MYO5B: variants seen among roughly 807,000 people sequenced by gnomAD.
MYO5B encodes the protein myosin VB.
A neutral mutation model predicts 229.3 loss-of-function variants in MYO5B; 143 were observed. The observed-to-expected ratio is 0.62, with a 90% CI of 0.54 to 0.72. The LOEUF is 0.72. Ranked by LOEUF, MYO5B falls within the 30% of genes least tolerant of loss-of-function variation. The pLI is 0.00. For synonymous variants in MYO5B, 918 were observed against 885.2 expected, an observed-to-expected ratio of 1.04 and a Z score of -0.66; for missense variants, 2,321 against 2,331.0, an observed-to-expected ratio of 1.00 and a Z score of 0.09.
At chr18:49,931,537 C>T (rs1462592620) in intron 16 of MYO5B, among the ~76,000 whole-genome samples, 2 of 152,198 alleles carry the variant, frequency 1.3e-5, no homozygotes, top group African/African-American at 4.8e-5. Flanking sequence ...GTAAAAGCCC[C>T]TTAGTGCGAG....
chr18:50,158,830 A>G (rs1156466467), intron 1 of MYO5B, among the ~76,000 whole-genome samples: 3 of 152,220 alleles, frequency 2.0e-5, no homozygotes, highest in Non-Finnish European at 4.4e-5. Flanking sequence ...CTCCTGGCAC[A>G]TTGTGGAAAG....
At chr18:50,108,292 T>C (rs912483476) in intron 1 of MYO5B, among the ~76,000 whole-genome samples, 3 of 152,188 alleles carry the variant, frequency 2.0e-5, no homozygotes, top group African/African-American at 7.2e-5. Flanking sequence ...CAGCTGAGCT[T>C]TGTCTATAGT....
intron 11 of MYO5B, 130 bp from the exon 12 acceptor site, chr18:49,962,536 T>C: frequency 1.5e-6 from 2 of 1,307,982 alleles, no homozygotes; most frequent in Non-Finnish European, 2.2e-6. Context: ...GGATGCTAAG[T>C]CATAGTTATG....
chr18:50,137,860 T>C (rs2032358229), intron 1 of MYO5B, among the ~76,000 whole-genome samples: 1 of 7,090 alleles, frequency 1.4e-4, no homozygotes, highest in Non-Finnish European at 1.2e-3. Context: ...CCATTATCCC[T>C]GGCAAAAAAA....
intron 1 of MYO5B, among the ~76,000 whole-genome samples, chr18:50,107,902 C>T (rs1458876506): frequency 6.6e-6 from 1 of 152,060 alleles, no homozygotes. Context: ...TAGAGCAAAC[C>T]ATTATCCTTT....
At chr18:50,037,646 T>A (rs2029885036) in intron 3 of MYO5B, among the ~76,000 whole-genome samples, 1 of 152,182 alleles carries the variant, frequency 6.6e-6, no homozygotes, top group East Asian at 1.9e-4. Flanking sequence ...ATGCCTGTAA[T>A]CCCAGCACTT....
chr18:49,852,116 T>C (rs1271720886), intron 31 of MYO5B, among the ~76,000 whole-genome samples: 2 of 152,216 alleles, frequency 1.3e-5, no homozygotes, highest in African/African-American at 4.8e-5. Context: ...ACTCCTAAGG[T>C]AGGACTGACT....
chr18:50,186,000 C>T (rs989328344), intron 1 of MYO5B, among the ~76,000 whole-genome samples: 2 of 152,202 alleles, frequency 1.3e-5, no homozygotes, highest in African/African-American at 4.8e-5. Flanking sequence ...TGTGAGCCAC[C>T]TGTGGTACTT....
intron 1 of MYO5B, among the ~76,000 whole-genome samples, chr18:50,156,287 T>C (rs2032677234): frequency 6.6e-6 from 1 of 152,244 alleles, no homozygotes; most frequent in Admixed American, 6.5e-5. Flanking sequence ...GACCCTGATA[T>C]GGTTTGGCTG....
At chr18:49,971,810 C>G (rs1342738146) in intron 10 of MYO5B, among the ~76,000 whole-genome samples, 1 of 152,164 alleles carries the variant, frequency 6.6e-6, no homozygotes, top group African/African-American at 2.4e-5. Flanking sequence ...AGTGTGAACT[C>G]AGCACTGCAT....
intron 12 of MYO5B, among the ~76,000 whole-genome samples, chr18:49,956,123 A>T (rs16951305): frequency 0.025 from 3,857 of 152,328 alleles, 144 homozygotes; most frequent in African/African-American, 0.084. Context: ...TCTGACAAGG[A>T]TCAGTCTCTC....
intron 17 of MYO5B, among the ~76,000 whole-genome samples, chr18:49,913,145 C>T (rs1185764920): frequency 6.6e-6 from 1 of 152,066 alleles, no homozygotes; most frequent in African/African-American, 2.4e-5. Flanking sequence ...TTTACAACAC[C>T]CCTACCTATG....
At chr18:49,859,429 A>G (rs488191) in intron 29 of MYO5B, among the ~76,000 whole-genome samples, 144,185 of 152,316 alleles carry the variant, frequency 0.95, 68,353 homozygotes, top group East Asian at 1. Context: ...AACAGACAAG[A>G]TTCCTGCCAG....
rs1267035369 is a variant in MYO5B at position 49,895,093 on chromosome 18, C to G, written c.2893G>C (p.Glu965Gln). 14 of 1,614,006 alleles carry G rather than the reference C, an allele frequency of 8.7e-6. No homozygotes were observed. Among genetic ancestry groups the G allele is most frequent in the Non-Finnish European group, 1.2e-5 (14 of 1,180,054 alleles). ...YTMEVERLKK[E>Q]LVHYQQSPGE... is the part of the protein sequence containing the mutation. ...GGGCTCTGCTGGTAGTGCACCAGCT[C>G]CTTCTTCAGCCGCTCTACCTCCATG... is the stretch of plus-strand genomic sequence containing the variant. Residue 965 changes from glutamate to glutamine, a missense_variant, in exon 22 of 40, where the codon GAG (glutamate) becomes CAG (glutamine). Glu to Gln is a conservative substitution (Grantham distance 29). This residue lies in a region of MYO5B where 2,113 missense variants were observed against 2,044.7 expected (regional missense o/e 1.03). Coordinates refer to ENST00000285039, the MANE Select transcript of MYO5B (RefSeq NM_001080467.3).
chr18:50,088,222 C>T lies in MYO5B; in HGVS notation c.28-32844G>A, dbSNP rs371210726. On this transcript the variant is annotated intron_variant, in intron 1 of 39. Transcript: ENST00000285039. ...AGGATTATAGGTGGACCATGGAGGACCCCAAACACCCTGCTTGCAGAGAGG... is the reference window on the plus strand; with the variant it reads ...AGGATTATAGGTGGACCATGGAGGATCCCAAACACCCTGCTTGCAGAGAGG... 2.0e-5 allele frequency among the ~76,000 whole-genome samples: 3 copies of T among 152,232 alleles called. No individual in the cohort carries two copies. The East Asian group carries it at 5.8e-4, about 29-fold the overall frequency.
intron 13 of MYO5B, among the ~76,000 whole-genome samples, chr18:49,954,002 A>C (rs1033700791): frequency 2.1e-5 from 3 of 145,036 alleles, no homozygotes; most frequent in South Asian, 2.3e-4. Flanking sequence ...ATACACAGAC[A>C]TATATGTGTG....
In MYO5B at chr18:49,825,639, T is replaced by C. The variant is rs1045536460; in HGVS notation, c.*832A>G. The C allele has an allele frequency of 1.3e-5, 2 of 152,276 alleles. No individual in the cohort carries two copies. The highest frequency in any genetic ancestry group is 2.9e-5 in the Non-Finnish European group (2 of 68,030). The allele number at this position is 152,276 out of a possible 1,614,324, so 9.4% of individuals were successfully genotyped here. A position where few individuals can be genotyped will look rare whatever the true frequency, so the allele number is the denominator to read the frequency against. ...ATCTATAAATAAAACAAGTTTGTTA[T>C]CCGTTTCTAATATTTAGCTTATATA... On this transcript the variant is annotated 3_prime_UTR_variant, in exon 40 of 40. Transcript: ENST00000285039.
chr18:50,104,159 T>G (rs1289934792), intron 1 of MYO5B, among the ~76,000 whole-genome samples: 7 of 9,518 alleles, frequency 7.4e-4, no homozygotes, highest in South Asian at 3.7e-3. Context: ...AGATGAGAAC[T>G]TGTCTATTAA....
rs2024877688 is a variant in MYO5B, at chr18:49,904,562, T to C, written c.2571+110A>G. 5 of 1,366,622 alleles carry C rather than the reference T, an allele frequency of 3.7e-6. No individual in the cohort carries two copies. In the East Asian group the frequency reaches 9.2e-5, roughly 25 times the overall value. 84.7% of individuals were successfully genotyped at this position (1,366,622 alleles called of 1,614,324 possible). A position where few individuals can be genotyped will look rare whatever the true frequency, so the allele number is the denominator to read the frequency against. ...TGGTGAGAGCAGAGATGTGAAAGCA[T>C]TTAGAAAAAAGTTGGGAGTGCTTGA... On this transcript the variant is annotated intron_variant, in intron 20 of 39. Coordinates refer to ENST00000285039, the MANE Select transcript of MYO5B (RefSeq NM_001080467.3).
Sources: allele counts gnomAD v4.1 joint callset (sites outside exome capture counted in the v4.1 genomes callset), GRCh38; gene constraint gnomAD v4.1.1; regional missense constraint gnomAD v4.1.1; transcripts MANE v1.5; gene names NCBI Gene and HGNC (gene_info 2026-07-23, HGNC 2026-07-21).